The following INPP5F variants were observed in gnomAD, a reference collection of about 807,000 sequenced individuals.
The protein encoded by INPP5F is phosphatidylinositide 4-phosphatase SAC2.
INPP5F carries 97 observed loss-of-function variants against 137.2 expected under a neutral mutation model. That is an observed-to-expected ratio of 0.71 (90% CI 0.60 to 0.84). INPP5F has a LOEUF of 0.84. Ranked by LOEUF, INPP5F falls within the 40% of genes least tolerant of loss-of-function variation. The pLI, the probability that INPP5F is intolerant of heterozygous loss-of-function variation, is 0.00. For synonymous variants in INPP5F, 504 were observed against 476.9 expected, an observed-to-expected ratio of 1.06 and a Z score of -0.74; for missense variants, 1,271 against 1,371.9, an observed-to-expected ratio of 0.93 and a Z score of 1.16.
At chr10:119,780,382 T>C (rs196204) in intron 2 of INPP5F, among the ~76,000 whole-genome samples, 152,246 of 152,256 alleles carry the variant, frequency 1, 76,118 homozygotes, top group Non-Finnish European at 1. Flanking sequence ...TGAGACCAGC[T>C]GGGGCAACAT....
In INPP5F at chr10:119,785,284, CTGTT is replaced by C. The variant is rs1164473248; in HGVS notation, c.315+3515_315+3518del. Among the ~76,000 whole-genome samples the C allele has an allele frequency of 1.7e-3, 137 of 81,610 alleles. 2 individuals carry two copies. Among genetic ancestry groups the C allele is most frequent in the African/African-American group, 5.2e-3 (120 of 23,184 alleles). 53.5% of individuals were successfully genotyped at this position (81,610 alleles called of 152,430 possible). On this transcript the variant is annotated intron_variant, in intron 3 of 19. Transcript: ENST00000650623. The stretch of plus-strand genomic sequence containing the variant: ...TCTAACCTTTTGTGGAACTGCCAGA[CTGTT>C]TTTTTTTTTTTTTTGGAGACGGAGC...
intron 3 of INPP5F, among the ~76,000 whole-genome samples, chr10:119,789,261 C>T (rs1324689836): frequency 6.6e-6 from 1 of 151,774 alleles, no homozygotes; most frequent in East Asian, 1.9e-4. Context: ...GTCTGTGTAT[C>T]CCGTTTTGAA....
At chr10:119,810,315 ATATACT>A in intron 14 of INPP5F, 98 bp downstream of exon 14, 1 of 658,758 alleles carries the variant, frequency 1.5e-6, no homozygotes, top group Non-Finnish European at 2.7e-6. Flanking sequence ...ATATTTTGTA[ATATACT>A]TGTGTTTCTG....
intron 3 of INPP5F, among the ~76,000 whole-genome samples, chr10:119,784,388 C>T (rs1849807135): frequency 3.3e-5 from 5 of 152,054 alleles, no homozygotes; most frequent in Admixed American, 3.3e-4. Flanking sequence ...TACATATTTC[C>T]CTCTAGTCTT....
chr10:119,742,024 T>C (rs1227327253), intron 1 of INPP5F, among the ~76,000 whole-genome samples: 1 of 152,178 alleles, frequency 6.6e-6, no homozygotes, highest in Admixed American at 6.5e-5. Context: ...TTTCCTCATG[T>C]TGGCCAGACT....
rs1849604192 is a variant in INPP5F at position 119,778,670 on chromosome 10, A to G, written c.179-2965A>G. Among the ~76,000 whole-genome samples, 3 of 152,176 alleles carry G rather than the reference A, an allele frequency of 2.0e-5. No homozygotes were observed. In the South Asian group the frequency reaches 6.2e-4, roughly 32 times the overall value. ...AGTGTACACACAAAGTAGTTGGAGA[A>G]TTACCAACCCATACTCTTCTGAAAA... is the stretch of plus-strand genomic sequence containing the variant. On this transcript the variant is annotated intron_variant, in intron 2 of 19. Coordinates refer to ENST00000650623, the MANE Select transcript of INPP5F (RefSeq NM_014937.4).
intron 1 of INPP5F, among the ~76,000 whole-genome samples, chr10:119,745,869 T>C (rs1177995576): frequency 6.6e-6 from 1 of 151,924 alleles, no homozygotes; most frequent in Non-Finnish European, 1.5e-5. Context: ...CATGCCCGGC[T>C]AGTTTTTGTA....
At chr10:119,817,803 CCAT>C (rs1325717647) in intron 15 of INPP5F, among the ~76,000 whole-genome samples, 1 of 152,124 alleles carries the variant, frequency 6.6e-6, no homozygotes, top group Non-Finnish European at 1.5e-5. Flanking sequence ...GATGCTTTGT[CCAT>C]CATATTTATC....
Position 119,807,976 on chromosome 10 carries a change from G to A in INPP5F, c.1485G>A (p.Val495=), listed in dbSNP as rs1850860789. 2 of 1,613,712 alleles carry A rather than the reference G, an allele frequency of 1.2e-6. No individual in the cohort carries two copies. Among genetic ancestry groups the A allele is most frequent in the African/African-American group, 1.3e-5 (1 of 74,922 alleles). ...GVMPPEQPLP[V]KCNRIYQIMW... is the part of the protein sequence containing the mutation. ...TGCCCCCGGAACAGCCATTACCTGT[G>A]AAATGTAATCGCATCTACCAGATAA... The change falls in exon 13 of 20, where the codon GTG becomes GTA. Residue 495 remains valine, a synonymous_variant. Coordinates refer to ENST00000650623, the MANE Select transcript of INPP5F (RefSeq NM_014937.4).
rs988967171 is a variant in INPP5F at position 119,798,694 on chromosome 10, C to G, written c.1116+84C>G. On this transcript the variant is annotated intron_variant, in intron 9 of 19. Coordinates refer to ENST00000650623, the MANE Select transcript of INPP5F (RefSeq NM_014937.4). ...TAAGTTTCATAAAAATAACATTGTA[C>G]TATTCAAAATTAAAGCATTTGTCAT... 7.3e-5 allele frequency: 60 copies of G among 822,148 alleles called. No individual in the cohort carries two copies. In the East Asian group the frequency reaches 1.8e-3, roughly 24 times the overall value. The allele number at this position is 822,148 out of a possible 1,614,324, so 50.9% of individuals were successfully genotyped here.
At chr10:119,773,512 T>C (rs1849429133) in intron 2 of INPP5F, among the ~76,000 whole-genome samples, 1 of 152,146 alleles carries the variant, frequency 6.6e-6, no homozygotes, top group Admixed American at 6.6e-5. Context: ...CTTCCCACTA[T>C]CCCCCGTTTC....
At chr10:119,813,651 A>C (rs1312845369) in intron 15 of INPP5F, among the ~76,000 whole-genome samples, 1 of 152,030 alleles carries the variant, frequency 6.6e-6, no homozygotes, top group African/African-American at 2.4e-5. Context: ...AACAAACAAA[A>C]AAACTCAAAA....
intron 9 of INPP5F, among the ~76,000 whole-genome samples, chr10:119,802,667 A>C (rs1274212880): frequency 6.6e-6 from 1 of 152,240 alleles, no homozygotes; most frequent in African/African-American, 2.4e-5. Flanking sequence ...CTAGGAACAG[A>C]ACGCATTTTA....
chr10:119,766,061 G>C (rs1330668703), intron 2 of INPP5F, among the ~76,000 whole-genome samples: 1 of 152,000 alleles, frequency 6.6e-6, no homozygotes, highest in African/African-American at 2.4e-5. Flanking sequence ...CAAAAACTGA[G>C]AATCAGGGGA....
At chr10:119,814,430 A>T (rs1410148623) in intron 15 of INPP5F, 1 of 152,214 alleles carries the variant, frequency 6.6e-6, no homozygotes, top group East Asian at 1.9e-4. Context: ...AAAGTTCCCA[A>T]TGAAGAATAA....
chr10:119,731,035 C>T (rs1848048807), intron 1 of INPP5F, among the ~76,000 whole-genome samples: 1 of 152,172 alleles, frequency 6.6e-6, no homozygotes, highest in African/African-American at 2.4e-5. Context: ...GATCCGCCCG[C>T]CTCTGCCTCC....
chr10:119,826,090 A>G (rs1424789884), intron 19 of INPP5F: 1 of 397,726 alleles, frequency 2.5e-6, no homozygotes. Flanking sequence ...TTTGAGCCAC[A>G]CTGGGATGTG....
At position 119,726,204 on chromosome 10, in the gene INPP5F, A is replaced by C. The variant is rs1847877949; in HGVS notation, c.-59A>C. On this transcript the variant is annotated 5_prime_UTR_variant, in exon 1 of 20. Coordinates refer to ENST00000650623, the MANE Select transcript of INPP5F (RefSeq NM_014937.4). ...GCGCGGGCTCTGGCGGCCTCGACCGACTAGGACGCCCCGTGCGCCGCCCGC... is the reference window on the plus strand; with the variant it reads ...GCGCGGGCTCTGGCGGCCTCGACCGCCTAGGACGCCCCGTGCGCCGCCCGC... The C allele has an allele frequency of 8.7e-7, 1 of 1,154,536 alleles. No homozygotes were observed. Among genetic ancestry groups the C allele is most frequent in the Non-Finnish European group, 1.1e-6 (1 of 874,018 alleles). The allele number at this position is 1,154,536 out of a possible 1,614,324, so 71.5% of individuals were successfully genotyped here.
intron 1 of INPP5F, among the ~76,000 whole-genome samples, chr10:119,744,108 TTTCTC>T (rs1407568376): frequency 1.3e-5 from 2 of 152,154 alleles, no homozygotes; most frequent in East Asian, 1.9e-4. Context: ...TGGTTTTTGT[TTTCTC>T]TTCTATTCTG....
Sources: gnomAD v4.1 joint callset for allele counts (sites outside exome capture counted in the v4.1 genomes callset) on GRCh38, gnomAD v4.1.1 for gene constraint, MANE v1.5 for transcripts, NCBI Gene and HGNC (gene_info 2026-07-23, HGNC 2026-07-21) for gene names.